Variants in MCU observed in about 807,000 individuals in gnomAD.
MCU encodes mitochondrial calcium uniporter.
In MCU, 12 loss-of-function variants were observed where a neutral mutation model predicts 45.2. The ratio of observed to expected loss-of-function variants is 0.27; its 90% confidence interval spans 0.17 to 0.43. The LOEUF (loss-of-function observed/expected upper bound fraction) is 0.43. Among genes scored for constraint, MCU ranks in the 20% least tolerant of loss-of-function variants. The pLI is 1.00. For synonymous variants in MCU, 160 were observed against 165.1 expected, an observed-to-expected ratio of 0.97 and a Z score of 0.24; for missense variants, 324 against 436.7, an observed-to-expected ratio of 0.74 and a Z score of 2.30.
chr10:72,815,878 A>G (rs1844617796), intron 1 of MCU, among the ~76,000 whole-genome samples: 1 of 152,218 alleles, frequency 6.6e-6, no homozygotes, highest in African/African-American at 2.4e-5. Flanking sequence ...ATCACTTTAT[A>G]ATCTTGATAT....
chr10:72,692,490 CG>C, intron 1 of MCU, 189 bp downstream of exon 1: 1 of 189,724 alleles, frequency 5.3e-6, no homozygotes, highest in Non-Finnish European at 7.8e-6. Context: ...GGAGGGCGGG[CG>C]GGAGGAAGCC....
chr10:72,692,610 C>T (rs1842637151), intron 1 of MCU: 1 of 1,099,816 alleles, frequency 9.1e-7, no homozygotes, highest in Non-Finnish European at 1.1e-6. Flanking sequence ...CAATCGCGTT[C>T]CCTCCCTTCT....
chr10:72,701,018 ACTT>A (rs1359991382), intron 1 of MCU, among the ~76,000 whole-genome samples: 1 of 152,108 alleles, frequency 6.6e-6, no homozygotes, highest in Non-Finnish European at 1.5e-5. Context: ...TATCATTTAA[ACTT>A]CTTTTTTGTC....
At chr10:72,852,409 A>G (rs1198273272) in intron 2 of MCU, among the ~76,000 whole-genome samples, 3 of 152,218 alleles carry the variant, frequency 2.0e-5, no homozygotes, top group African/African-American at 4.8e-5. Context: ...TTTGCCTTTT[A>G]GTTTTTATGT....
chr10:72,716,285 C>T (rs953807245), intron 1 of MCU, among the ~76,000 whole-genome samples: 1 of 152,148 alleles, frequency 6.6e-6, no homozygotes, highest in Non-Finnish European at 1.5e-5. Context: ...AATAAACTTG[C>T]CAGAACCACA....
intron 1 of MCU, among the ~76,000 whole-genome samples, chr10:72,709,662 A>G (rs1402202902): frequency 1.3e-5 from 2 of 151,088 alleles, no homozygotes. Flanking sequence ...AGATGTCAAT[A>G]GTTTGGTTTT....
chr10:72,697,307 G>A (rs1228153949), intron 1 of MCU, among the ~76,000 whole-genome samples: 2 of 151,798 alleles, frequency 1.3e-5, no homozygotes, highest in African/African-American at 4.8e-5. Flanking sequence ...TGTAGAGACT[G>A]GGTTTCGCCA....
At chr10:72,818,410 G>T (rs907806894) in intron 1 of MCU, among the ~76,000 whole-genome samples, 1 of 152,164 alleles carries the variant, frequency 6.6e-6, no homozygotes, top group Admixed American at 6.5e-5. Context: ...TTCTGTTTTG[G>T]AAACTTGAAC....
chr10:72,849,051 C>T lies in MCU; in HGVS notation c.221-10126C>T, dbSNP rs144856987. 5.3e-5 allele frequency among the ~76,000 whole-genome samples: 8 copies of T among 151,902 alleles called. No homozygotes were observed. The South Asian group carries it at 6.2e-4, about 12-fold the overall frequency. On this transcript the variant is annotated intron_variant, in intron 2 of 7. Transcript: ENST00000373053. Reference sequence around the variant, plus strand: ...ATCCCAGCACTTTGGGAGGCCGAGACGGGTGGATCACGAGGTCAGGCATTC... The same window carrying T: ...ATCCCAGCACTTTGGGAGGCCGAGATGGGTGGATCACGAGGTCAGGCATTC...
At chr10:72,781,283 A>G (rs1843989935) in intron 1 of MCU, among the ~76,000 whole-genome samples, 1 of 152,236 alleles carries the variant, frequency 6.6e-6, no homozygotes, top group Non-Finnish European at 1.5e-5. Context: ...TTAGATGTAT[A>G]AGCTAATCAT....
intron 1 of MCU, among the ~76,000 whole-genome samples, chr10:72,707,692 TG>T (rs1842841612): frequency 6.6e-6 from 1 of 150,972 alleles, no homozygotes; most frequent in Non-Finnish European, 1.5e-5. Flanking sequence ...TGGTGCCAAG[TG>T]GTATAATAGG....
intron 1 of MCU, among the ~76,000 whole-genome samples, chr10:72,716,610 G>T (rs953774964): frequency 6.6e-6 from 1 of 151,968 alleles, no homozygotes; most frequent in African/African-American, 2.4e-5. Flanking sequence ...TAGGCTGGGC[G>T]TGGTAGCTCA....
intron 1 of MCU, among the ~76,000 whole-genome samples, chr10:72,803,252 C>T (rs1844369760): frequency 6.6e-6 from 1 of 151,560 alleles, no homozygotes; most frequent in Non-Finnish European, 1.5e-5. Flanking sequence ...TTCACAAAAT[C>T]AGCAACAATT....
In MCU at chr10:72,782,361, C is replaced by T. The variant is rs572781764; in HGVS notation, c.151-51998C>T. Among the ~76,000 whole-genome samples the T allele has an allele frequency of 1.4e-4, 21 of 152,080 alleles. 1 individual carries two copies. The highest frequency in any genetic ancestry group is 4.6e-4 in the African/African-American group (19 of 41,480). On this transcript the variant is annotated intron_variant, in intron 1 of 7. Transcript: ENST00000373053. ...CTAACTCGTACATAATCCTTAAAATCGTGTATCTGTTTTGTTGTTGTTTTT... is the reference window on the plus strand; with the variant it reads ...CTAACTCGTACATAATCCTTAAAATTGTGTATCTGTTTTGTTGTTGTTTTT...
chr10:72,704,517 A>AT (rs138574555), intron 1 of MCU, among the ~76,000 whole-genome samples: 6,471 of 149,506 alleles, frequency 0.043, 464 homozygotes, highest in African/African-American at 0.15. Flanking sequence ...AAAATTTGTG[A>AT]TTTTTTTTTT....
chr10:72,770,654 G>C (rs1038691879), intron 1 of MCU, among the ~76,000 whole-genome samples: 1 of 151,610 alleles, frequency 6.6e-6, no homozygotes, highest in Non-Finnish European at 1.5e-5. Flanking sequence ...ACCATTTCTG[G>C]TTGTCTTCAT....
At chr10:72,753,858 G>A (rs1284807860) in intron 1 of MCU, among the ~76,000 whole-genome samples, 3 of 151,876 alleles carry the variant, frequency 2.0e-5, no homozygotes, top group Admixed American at 1.3e-4. Flanking sequence ...TAGCCTGGGT[G>A]ACAGAGCAAG....
chr10:72,844,394 A>T (rs1277727817), intron 2 of MCU, among the ~76,000 whole-genome samples: 1 of 151,780 alleles, frequency 6.6e-6, no homozygotes, highest in Non-Finnish European at 1.5e-5. Flanking sequence ...CTCAAAAAAA[A>T]TGTAAAAAAA....
intron 1 of MCU, among the ~76,000 whole-genome samples, chr10:72,797,534 C>CTT (rs11411848): frequency 0.011 from 1,284 of 115,672 alleles, 40 homozygotes; most frequent in Admixed American, 0.046. Flanking sequence ...CCATAATATA[C>CTT]TTTTTTTTTT....
Sources: gnomAD v4.1 joint callset for allele counts (sites outside exome capture counted in the v4.1 genomes callset) on GRCh38, gnomAD v4.1.1 for gene constraint, MANE v1.5 for transcripts, NCBI Gene and HGNC (gene_info 2026-07-23, HGNC 2026-07-21) for gene names.